Variants in CCDC178 observed in about 807,000 individuals in gnomAD.
CCDC178 encodes the protein coiled-coil domain-containing protein 178.
CCDC178 carries 126 observed loss-of-function variants against 117.4 expected under a neutral mutation model. The observed-to-expected ratio is 1.07, with a 90% CI of 0.93 to 1.24. The LOEUF (loss-of-function observed/expected upper bound fraction) is 1.24, where lower values mean the gene tolerates loss of function less well. Among genes scored for constraint, CCDC178 ranks in the 50% most tolerant of loss-of-function variants. The probability of loss-of-function intolerance (pLI) is 0.00; values close to 1 mark genes in which losing one functional copy is unlikely to be tolerated. For synonymous variants in CCDC178, 283 were observed against 313.4 expected, an observed-to-expected ratio of 0.90 and a Z score of 1.02; for missense variants, 1,030 against 986.9, an observed-to-expected ratio of 1.04 and a Z score of -0.59.
At chr18:33,317,328 G>T (rs2062433745) in intron 11 of CCDC178, among the ~76,000 whole-genome samples, 1 of 151,952 alleles carries the variant, frequency 6.6e-6, no homozygotes, top group Non-Finnish European at 1.5e-5. Flanking sequence ...AAGGCCTGTG[G>T]CTTCACTCCT....
chr18:33,430,831 G>C (rs1014312875), intron 2 of CCDC178, among the ~76,000 whole-genome samples: 1 of 152,066 alleles, frequency 6.6e-6, no homozygotes, highest in Non-Finnish European at 1.5e-5. Flanking sequence ...CCAGCACTTT[G>C]GGAGGCCGAG....
At chr18:33,165,488 A>G (rs1217035030) in intron 20 of CCDC178, among the ~76,000 whole-genome samples, 2 of 152,200 alleles carry the variant, frequency 1.3e-5, no homozygotes, top group Non-Finnish European at 2.9e-5. Flanking sequence ...TGGTATCTGC[A>G]GGGGTCCTAG....
At chr18:33,147,381 T>TA (rs1286327399) in intron 20 of CCDC178, among the ~76,000 whole-genome samples, 2 of 140,594 alleles carry the variant, frequency 1.4e-5, no homozygotes, top group African/African-American at 5.4e-5. Context: ...TTTTTTTTTT[T>TA]AGTATTTATT....
At chr18:33,132,966 CATTGTATACAAG>C (rs1438685482) in intron 20 of CCDC178, among the ~76,000 whole-genome samples, 3 of 151,638 alleles carry the variant, frequency 2.0e-5, no homozygotes, top group Non-Finnish European at 4.4e-5. Context: ...CAAAAGAGAC[CATTGTATACAAG>C]ATTCTATTTT....
At chr18:33,339,304 G>A (rs1268458253) in intron 9 of CCDC178, among the ~76,000 whole-genome samples, 1 of 151,576 alleles carries the variant, frequency 6.6e-6, no homozygotes, top group Non-Finnish European at 1.5e-5. Context: ...AAGCAAAAGT[G>A]GACTTTTTAA....
chr18:33,136,484 T>C (rs1472262232), intron 20 of CCDC178, among the ~76,000 whole-genome samples: 3 of 152,258 alleles, frequency 2.0e-5, no homozygotes, highest in African/African-American at 7.2e-5. Flanking sequence ...GAGTTGATTA[T>C]TTGGCCTAAG....
At chr18:33,344,029 G>A (rs1268039601) in intron 9 of CCDC178, among the ~76,000 whole-genome samples, 3 of 151,994 alleles carry the variant, frequency 2.0e-5, no homozygotes, top group Non-Finnish European at 2.9e-5. Flanking sequence ...ATACGGCCGG[G>A]CGCGGTGGCT....
chr18:33,167,135 A>C (rs2058542049), intron 20 of CCDC178, among the ~76,000 whole-genome samples: 2 of 152,202 alleles, frequency 1.3e-5, no homozygotes, highest in African/African-American at 4.8e-5. Flanking sequence ...GCTGCATAGT[A>C]TTCCGTGGTG....
chr18:33,196,185 C>T (rs1326216777), intron 20 of CCDC178, among the ~76,000 whole-genome samples: 7 of 152,142 alleles, frequency 4.6e-5, no homozygotes, highest in African/African-American at 1.7e-4. Context: ...GAAAAACTAA[C>T]GATTATCCTG....
intron 20 of CCDC178, among the ~76,000 whole-genome samples, chr18:33,190,742 T>G (rs1407887067): frequency 6.6e-6 from 1 of 152,212 alleles, no homozygotes; most frequent in African/African-American, 2.4e-5. Flanking sequence ...CTAAGTGTAA[T>G]AGAGGATTAT....
intron 20 of CCDC178, among the ~76,000 whole-genome samples, chr18:33,143,858 G>A (rs765160601): frequency 1.6e-4 from 25 of 151,944 alleles, no homozygotes; most frequent in Non-Finnish European, 2.2e-4. Flanking sequence ...TTGTAAACCA[G>A]GGGATTCTTT....
intron 3 of CCDC178, among the ~76,000 whole-genome samples, chr18:33,407,838 T>C (rs1402161147): frequency 6.6e-6 from 1 of 151,406 alleles, no homozygotes; most frequent in Non-Finnish European, 1.5e-5. Context: ...AGCCAAATAC[T>C]CCAGAAAAAA....
intron 20 of CCDC178, among the ~76,000 whole-genome samples, chr18:33,171,911 T>C (rs1483529171): frequency 3.3e-5 from 5 of 152,168 alleles, no homozygotes; most frequent in Non-Finnish European, 5.9e-5. Flanking sequence ...TTTTTTGTTT[T>C]TTGTTTTGTT....
chr18:33,058,484 TG>T (rs1181709812), intron 21 of CCDC178, among the ~76,000 whole-genome samples: 2 of 152,128 alleles, frequency 1.3e-5, no homozygotes, highest in Non-Finnish European at 2.9e-5. Context: ...AAAGCTGAAA[TG>T]CTAGAGACAG....
chr18:33,388,542 C>T (rs1361067998), intron 5 of CCDC178, among the ~76,000 whole-genome samples: 17 of 684 alleles, frequency 0.025, no homozygotes, highest in Non-Finnish European at 0.17. Flanking sequence ...TTTTTTGAGA[C>T]GGAGTCTCGC....
intron 20 of CCDC178, among the ~76,000 whole-genome samples, chr18:33,180,592 T>C (rs1009353724): frequency 2.6e-5 from 4 of 152,010 alleles, no homozygotes; most frequent in African/African-American, 7.2e-5. Context: ...TATTGTCCAG[T>C]GTCACATATT....
At chr18:32,971,480 A>G (rs1400643160) in intron 22 of CCDC178, among the ~76,000 whole-genome samples, 1 of 152,176 alleles carries the variant, frequency 6.6e-6, no homozygotes, top group African/African-American at 2.4e-5. Flanking sequence ...GCTGCAAGAA[A>G]CATACATGTG....
At chr18:33,419,942 G>C (rs576458721) in intron 2 of CCDC178, among the ~76,000 whole-genome samples, 131 of 150,372 alleles carry the variant, frequency 8.7e-4, no homozygotes, top group African/African-American at 3.2e-3. Flanking sequence ...TCTCATGATT[G>C]CATATATACC....
chr18:33,291,221 A>G (rs561803445), intron 12 of CCDC178, among the ~76,000 whole-genome samples: 2 of 152,234 alleles, frequency 1.3e-5, no homozygotes, highest in East Asian at 3.9e-4. Context: ...GCACAAAGGA[A>G]TGTATTTATA....
Sources: gnomAD v4.1 joint callset for allele counts (sites outside exome capture counted in the v4.1 genomes callset) on GRCh38, gnomAD v4.1.1 for gene constraint, MANE v1.5 for transcripts, NCBI Gene and HGNC (gene_info 2026-07-23, HGNC 2026-07-21) for gene names.